HS3ST4: variants seen among roughly 807,000 people sequenced by gnomAD.
HS3ST4 encodes heparan sulfate-glucosamine 3-sulfotransferase 4.
HS3ST4 carries 17 observed loss-of-function variants against 29.2 expected under a neutral mutation model. The observed-to-expected ratio is 0.58, with a 90% confidence interval of 0.40 to 0.87. The LOEUF (loss-of-function observed/expected upper bound fraction) is 0.87, where lower values mean the gene tolerates loss of function less well. Among genes scored for constraint, HS3ST4 ranks in the 40% least tolerant of loss-of-function variants. HS3ST4 has a pLI of 0.00. For synonymous variants in HS3ST4, 314 were observed against 285.7 expected, an observed-to-expected ratio of 1.10 and a Z score of -1.00; for missense variants, 627 against 634.5, an observed-to-expected ratio of 0.99 and a Z score of 0.13.
At chr16:25,734,309 G>A (rs796367932) in intron 1 of HS3ST4, among the ~76,000 whole-genome samples, 3 of 152,312 alleles carry the variant, frequency 2.0e-5, no homozygotes, top group African/African-American at 7.2e-5. Context: ...AAAAATCGCA[G>A]AATGTGCCAA....
intron 1 of HS3ST4, among the ~76,000 whole-genome samples, chr16:25,758,944 A>G (rs1966773245): frequency 6.6e-6 from 1 of 151,072 alleles, no homozygotes; most frequent in African/African-American, 2.4e-5. Context: ...TAACAGAGTG[A>G]GACTCTGTCT....
chr16:26,025,941 AATTTT>A (rs1485391102), intron 1 of HS3ST4, among the ~76,000 whole-genome samples: 1 of 151,840 alleles, frequency 6.6e-6, no homozygotes, highest in Non-Finnish European at 1.5e-5. Flanking sequence ...ATGCCCAGCT[AATTTT>A]TGTATTTTTA....
chr16:25,873,530 CT>C (rs1372412038), intron 1 of HS3ST4, among the ~76,000 whole-genome samples: 5 of 149,608 alleles, frequency 3.3e-5, no homozygotes, highest in African/African-American at 1.2e-4. Context: ...ATCTGTCTAT[CT>C]ATCTATCTTT....
At chr16:26,069,176 T>C (rs1289260339) in intron 1 of HS3ST4, among the ~76,000 whole-genome samples, 1 of 152,220 alleles carries the variant, frequency 6.6e-6, no homozygotes, top group Admixed American at 6.5e-5. Context: ...GGTCTCAAAC[T>C]CCTGGGCTCA....
At chr16:25,795,966 G>A (rs574819269) in intron 1 of HS3ST4, among the ~76,000 whole-genome samples, 2 of 151,300 alleles carry the variant, frequency 1.3e-5, no homozygotes, top group African/African-American at 4.9e-5. Flanking sequence ...ATCCCTTTTA[G>A]TTTGATTTCT....
chr16:26,048,365 G>A (rs559155639), intron 1 of HS3ST4, among the ~76,000 whole-genome samples: 8 of 152,316 alleles, frequency 5.3e-5, no homozygotes, highest in South Asian at 2.1e-4. Flanking sequence ...ATAGATTGTC[G>A]ACCATATAGC....
intron 1 of HS3ST4, among the ~76,000 whole-genome samples, chr16:25,897,836 G>A (rs1300484414): frequency 6.6e-6 from 1 of 152,160 alleles, no homozygotes; most frequent in Non-Finnish European, 1.5e-5. Flanking sequence ...TTTAGTTTAT[G>A]TTCAGGTGCT....
intron 1 of HS3ST4, among the ~76,000 whole-genome samples, chr16:26,037,227 T>C (rs1969591591): frequency 6.6e-6 from 1 of 152,200 alleles, no homozygotes; most frequent in African/African-American, 2.4e-5. Context: ...TACGTGCCTT[T>C]CCATGAGATA....
chr16:25,779,806 A>G (rs1966851031), intron 1 of HS3ST4, among the ~76,000 whole-genome samples: 1 of 152,196 alleles, frequency 6.6e-6, no homozygotes, highest in Non-Finnish European at 1.5e-5. Context: ...AATAATAACA[A>G]CAACACCCAC....
chr16:26,115,933 C>A (rs538624463), intron 1 of HS3ST4, among the ~76,000 whole-genome samples: 2 of 152,296 alleles, frequency 1.3e-5, no homozygotes, highest in African/African-American at 4.8e-5. Flanking sequence ...TTTATGGTTA[C>A]CTTCTATTTG....
intron 1 of HS3ST4, among the ~76,000 whole-genome samples, chr16:25,716,028 T>C (rs1478494821): frequency 6.6e-6 from 1 of 152,004 alleles, no homozygotes; most frequent in East Asian, 1.9e-4. Flanking sequence ...ACAGCTTCCC[T>C]GTGAAGCATG....
intron 1 of HS3ST4, among the ~76,000 whole-genome samples, chr16:25,715,924 A>T (rs538820647): frequency 6.6e-5 from 10 of 152,294 alleles, no homozygotes; most frequent in African/African-American, 2.2e-4. Context: ...CCCTATAGTC[A>T]TAGGAGAATG....
At chr16:25,794,330 T>C (rs1027018317) in intron 1 of HS3ST4, among the ~76,000 whole-genome samples, 1 of 152,150 alleles carries the variant, frequency 6.6e-6, no homozygotes, top group African/African-American at 2.4e-5. Context: ...TCTTTATTTC[T>C]TCTTGCATTT....
chr16:25,769,750 G>A (rs1262869837), intron 1 of HS3ST4, among the ~76,000 whole-genome samples: 5 of 152,126 alleles, frequency 3.3e-5, no homozygotes, highest in African/African-American at 1.2e-4. Flanking sequence ...AATTGATTCC[G>A]CTCCTAGATA....
rs9934497 is a variant in HS3ST4, at chr16:25,824,128, C to T, written c.734+130977C>T. Among the ~76,000 whole-genome samples, 335 of 152,246 alleles carry T rather than the reference C, an allele frequency of 2.2e-3. 3 individuals are homozygous for T. The highest frequency in any genetic ancestry group is 7.4e-3 in the African/African-American group (306 of 41,566). ...TCACTGAGCTTGGGCTGAGAGGGCC[C>T]TGGCTGAGTCAGGTGCCCCTGAAGG... On this transcript the variant is annotated intron_variant, in intron 1 of 1. Transcript: ENST00000331351.
chr16:25,904,029 A>T (rs565038436), intron 1 of HS3ST4, among the ~76,000 whole-genome samples: 2 of 152,196 alleles, frequency 1.3e-5, no homozygotes, highest in Non-Finnish European at 2.9e-5. Context: ...GAATACATGC[A>T]TGGGTAGATT....
chr16:25,778,759 G>T (rs894588784), intron 1 of HS3ST4, among the ~76,000 whole-genome samples: 1 of 151,932 alleles, frequency 6.6e-6, no homozygotes, highest in Non-Finnish European at 1.5e-5. Context: ...GAAGGAGGAG[G>T]AGAAGAAGGA....
chr16:26,038,768 C>T (rs1969607645), intron 1 of HS3ST4, among the ~76,000 whole-genome samples: 1 of 152,100 alleles, frequency 6.6e-6, no homozygotes, highest in Admixed American at 6.5e-5. Flanking sequence ...ACTGCAAGCT[C>T]CGCCTCCCGG....
At position 26,001,863 on chromosome 16, in the gene HS3ST4, G is replaced by A. The variant is rs540080133; in HGVS notation, c.735-133749G>A. Among the ~76,000 whole-genome samples, 3 of 152,186 alleles carry A rather than the reference G, an allele frequency of 2.0e-5. No homozygotes were observed. In the South Asian group the frequency reaches 6.2e-4, roughly 32 times the overall value. ...CCTGGAAGGGGGAAGAATATTTAGGGGGGTATTGCAATAGCTCAACCAAGA... is the reference window on the plus strand; with the variant it reads ...CCTGGAAGGGGGAAGAATATTTAGGAGGGTATTGCAATAGCTCAACCAAGA... On this transcript the variant is annotated intron_variant, in intron 1 of 1. Coordinates refer to ENST00000331351, the MANE Select transcript of HS3ST4 (RefSeq NM_006040.3).
Sources: gnomAD v4.1 joint callset for allele counts (sites outside exome capture counted in the v4.1 genomes callset) on GRCh38, gnomAD v4.1.1 for gene constraint, MANE v1.5 for transcripts, NCBI Gene and HGNC (gene_info 2026-07-23, HGNC 2026-07-21) for gene names.